Variants in FAM53A observed in about 807,000 individuals in gnomAD.
FAM53A encodes the protein family with sequence similarity 53 member A, also known as protein FAM53A.
Under a neutral mutation model 26.6 loss-of-function variants are expected in FAM53A, and 28 were observed. The observed-to-expected ratio is 1.05, with a 90% CI of 0.78 to 1.45. The LOEUF is 1.45. Among genes scored for constraint, FAM53A ranks in the 40% most tolerant of loss-of-function variants. FAM53A has a pLI of 0.00. For synonymous variants in FAM53A, 290 were observed against 253.1 expected, an observed-to-expected ratio of 1.15 and a Z score of -1.38; for missense variants, 650 against 575.8, an observed-to-expected ratio of 1.13 and a Z score of -1.32.
chr4:1,604,881 G>A, the FAM53A span, among the ~76,000 whole-genome samples: 1 of 152,104 alleles, frequency 6.6e-6, no homozygotes, highest in African/African-American at 2.4e-5. Context: ...CCGCAGTGCT[G>A]TCTGCCAGCT....
chr4:1,605,874 C>G, the FAM53A span, among the ~76,000 whole-genome samples: 1 of 152,256 alleles, frequency 6.6e-6, no homozygotes, highest in Non-Finnish European at 1.5e-5. This position sits in a 1 kb window ranked among gnomAD's most constrained non-coding sequence, Gnocchi z 5.7. Flanking sequence ...TCCCCTTTCC[C>G]CCTCCCCACT....
chr4:1,635,159 A>G (rs1715785310), downstream of FAM53A, among the ~76,000 whole-genome samples: 1 of 152,068 alleles, frequency 6.6e-6, no homozygotes, highest in South Asian at 2.1e-4. Context: ...TTATTTGCTC[A>G]TTCTCCCCTT....
intron 1 of FAM53A, among the ~76,000 whole-genome samples, chr4:1,632,088 C>T (rs1044915420): frequency 2.0e-5 from 3 of 148,048 alleles, no homozygotes; most frequent in Non-Finnish European, 3.0e-5. Context: ...CGCTTGAACC[C>T]GGTAGGTGGA....
chr4:1,616,085 A>C (rs1714801098), downstream of FAM53A, among the ~76,000 whole-genome samples: 1 of 152,216 alleles, frequency 6.6e-6, no homozygotes, highest in African/African-American at 2.4e-5. Flanking sequence ...GGATGCAGTA[A>C]GCAGGTTCTG....
At chr4:1,637,217 GA>G (rs1287128630), downstream of FAM53A, among the ~76,000 whole-genome samples, 2 of 152,158 alleles carry the variant, frequency 1.3e-5, no homozygotes, top group Non-Finnish European at 2.9e-5. Context: ...GATGGCCAGA[GA>G]ATAGGCCCAG....
Position 1,659,949 on chromosome 4 carries a change from T to G in FAM53A, c.76-2481A>C, listed in dbSNP as rs1351135060. 1.3e-5 allele frequency among the ~76,000 whole-genome samples: 2 copies of G among 152,142 alleles called. No individual in the cohort carries two copies. The highest frequency in any genetic ancestry group is 1.9e-4 in the East Asian group (1 of 5,198). Reference sequence around the variant, plus strand: ...ATCCCGTCACCTTGAGGGTGAGGACTTCAACATATGGGTTTCGGGGAATGT... The same window carrying G: ...ATCCCGTCACCTTGAGGGTGAGGACGTCAACATATGGGTTTCGGGGAATGT... On this transcript the variant is annotated intron_variant, in intron 2 of 4. Transcript: ENST00000308132. The surrounding 1 kb of genome is among the most constrained non-coding windows in gnomAD (Gnocchi z 5.2).
chr4:1,611,963 G>A, the FAM53A span, among the ~76,000 whole-genome samples: 3 of 152,172 alleles, frequency 2.0e-5, no homozygotes, highest in South Asian at 2.1e-4. Flanking sequence ...AGAATGTATC[G>A]CACAAATCAT....
chr4:1,609,612 C>T, the FAM53A span, among the ~76,000 whole-genome samples: 2 of 152,130 alleles, frequency 1.3e-5, no homozygotes, highest in African/African-American at 4.8e-5. Flanking sequence ...AGGCGCCTTC[C>T]ATCAGGGTTA....
the FAM53A span, among the ~76,000 whole-genome samples, chr4:1,602,031 G>T: frequency 4.2e-3 from 634 of 150,802 alleles, no homozygotes; most frequent in Non-Finnish European, 7.5e-3. Flanking sequence ...TGGGATGGTG[G>T]AGGTGGGCCG....
intron 4 of FAM53A, among the ~76,000 whole-genome samples, chr4:1,648,381 A>G (rs965881080): frequency 3.9e-5 from 6 of 152,142 alleles, no homozygotes; most frequent in African/African-American, 1.4e-4. Flanking sequence ...TGAGGGACAC[A>G]GAGAAAGGTG....
At position 1,625,127 on chromosome 4, in the gene FAM53A, AG is replaced by A. The variant is rs1455310857; in HGVS notation, c.432-7017del. Among the ~76,000 whole-genome samples, 130 of 56,966 alleles carry A rather than the reference AG, an allele frequency of 2.3e-3. 3 individuals are homozygous for A. The highest frequency in any genetic ancestry group is 4.2e-3 in the African/African-American group (30 of 7,192). The allele number at this position is 56,966 out of a possible 152,430, so 37.4% of individuals were successfully genotyped here. On this transcript the variant is annotated intron_variant, in intron 1 of 1. Transcript: ENST00000489029. ...CCCCCACGTCCCGACCCACGTGGTC[AG>A]GGGTCACACCAGGTGATCAGAAGGC...
intron 4 of FAM53A, among the ~76,000 whole-genome samples, chr4:1,651,345 A>G (rs1712763590): frequency 6.6e-6 from 1 of 152,016 alleles, no homozygotes; most frequent in Non-Finnish European, 1.5e-5. Context: ...CAGCCTGGAC[A>G]ACATGGTAAA....
chr4:1,622,780 T>C (rs774132038), intron 1 of FAM53A, among the ~76,000 whole-genome samples: 7 of 152,150 alleles, frequency 4.6e-5, no homozygotes, highest in Non-Finnish European at 5.9e-5. Context: ...AGGCACCACA[T>C]TTCCAAGCCC....
the FAM53A span, among the ~76,000 whole-genome samples, chr4:1,604,867 G>A: frequency 7.4e-4 from 112 of 152,006 alleles, no homozygotes; most frequent in African/African-American, 2.6e-3. Flanking sequence ...GCTCTGCCCC[G>A]CTCCCGCAGT....
At chr4:1,672,370 A>G (rs894646745) in intron 1 of FAM53A, among the ~76,000 whole-genome samples, 6 of 138,306 alleles carry the variant, frequency 4.3e-5, no homozygotes, top group African/African-American at 2.1e-4. Flanking sequence ...CCAGGAACCC[A>G]CGAACCCACG....
chr4:1,640,359 C>T lies in FAM53A; in HGVS notation c.*934G>A. 1 of 246,590 alleles carries T rather than the reference C, an allele frequency of 4.1e-6. No homozygotes were observed. The highest frequency in any genetic ancestry group is 7.8e-6 in the Non-Finnish European group (1 of 128,928). The allele number at this position is 246,590 out of a possible 1,614,324, so 15.3% of individuals were successfully genotyped here. A position where few individuals can be genotyped will look rare whatever the true frequency, so the allele number is the denominator to read the frequency against. Reference sequence around the variant, plus strand: ...CGTCGGGAGGGGGGGACACACGGGGCCAGTGGGACTCTGACCACCAACGCC... The same window carrying T: ...CGTCGGGAGGGGGGGACACACGGGGTCAGTGGGACTCTGACCACCAACGCC... On this transcript the variant is annotated 3_prime_UTR_variant, in exon 5 of 5. Coordinates refer to ENST00000308132, the MANE Select transcript of FAM53A (RefSeq NM_001174070.3).
At position 1,659,620 on chromosome 4, in the gene FAM53A, C is replaced by T. The variant is rs1477936225; in HGVS notation, c.76-2152G>A. Reference sequence around the variant, plus strand: ...TGTGGGTGCAGCAGACAAACAGAGCCAGGGTCCCCGGGAGACAGGAAAGGC... The same window carrying T: ...TGTGGGTGCAGCAGACAAACAGAGCTAGGGTCCCCGGGAGACAGGAAAGGC... On this transcript the variant is annotated intron_variant, in intron 2 of 4. Coordinates refer to ENST00000308132, the MANE Select transcript of FAM53A (RefSeq NM_001174070.3). The surrounding 1 kb of genome is among the most constrained non-coding windows in gnomAD (Gnocchi z 5.2). Among the ~76,000 whole-genome samples, 1 of 152,190 alleles carries T rather than the reference C, an allele frequency of 6.6e-6. No individual in the cohort carries two copies. The highest frequency in any genetic ancestry group is 1.9e-4 in the East Asian group (1 of 5,192).
At chr4:1,678,082 C>T (rs759158956) in intron 1 of FAM53A, among the ~76,000 whole-genome samples, 8 of 152,192 alleles carry the variant, frequency 5.3e-5, no homozygotes, top group African/African-American at 1.2e-4. Flanking sequence ...GTCATCAAGA[C>T]CGTGTGTGCC....
chr4:1,658,755 G>A (rs12503304), intron 2 of FAM53A, among the ~76,000 whole-genome samples: 2,954 of 152,334 alleles, frequency 0.019, 97 homozygotes, highest in African/African-American at 0.064. Context: ...CCGTGCAGGC[G>A]GGACACAGGG....
Sources: gnomAD v4.1 joint callset for allele counts (sites outside exome capture counted in the v4.1 genomes callset) on GRCh38, gnomAD v4.1.1 for gene constraint, Gnocchi (gnomAD v3.1) non-coding constraint, MANE v1.5 for transcripts, NCBI Gene and HGNC (gene_info 2026-07-23, HGNC 2026-07-21) for gene names.